Variants in DACH2 observed in about 807,000 individuals in gnomAD.
DACH2 encodes the protein dachshund homolog 2.
Under a neutral mutation model 35.8 loss-of-function variants are expected in DACH2, and 17 were observed. That is an observed-to-expected ratio of 0.48 (90% CI 0.33 to 0.71). The LOEUF is 0.71. Ranked by LOEUF, DACH2 falls within the 30% of genes least tolerant of loss-of-function variation. The probability of loss-of-function intolerance (pLI) is 0.02; values close to 1 mark genes in which losing one functional copy is unlikely to be tolerated. For synonymous variants in DACH2, 195 were observed against 177.3 expected (o/e 1.10, Z -0.79); for missense variants, 469 against 472.7 (o/e 0.99, Z 0.07).
intron 3 of DACH2, among the ~76,000 whole-genome samples, chrX:86,515,121 A>G (rs1156346756): frequency 9.0e-6 from 1 of 111,426 alleles, no homozygotes; most frequent in Non-Finnish European, 1.9e-5. Flanking sequence ...AATGATACGA[A>G]CATTTATAAA....
chrX:86,757,766 C>CTT (rs752349653), intron 7 of DACH2, among the ~76,000 whole-genome samples: 3 of 112,163 alleles, frequency 2.7e-5, no homozygotes, highest in African/African-American at 9.7e-5. Flanking sequence ...GCTGCTTCCT[C>CTT]TTAGCCTTCC....
intron 1 of DACH2, among the ~76,000 whole-genome samples, chrX:86,292,168 C>T (rs1419308016): frequency 4.0e-5 from 3 of 74,328 alleles, no homozygotes; most frequent in African/African-American, 6.0e-5. Flanking sequence ...GTGTATGTGT[C>T]GAGGAATTTA....
rs191661492 is a variant in DACH2, at chrX:86,805,315, G to A, written c.1241-7541G>A. Among the ~76,000 whole-genome samples, 92 of 112,572 alleles carry A rather than the reference G, an allele frequency of 8.2e-4. 1 individual carries two copies. The Admixed American group carries it at 8.4e-3, about 10-fold the overall frequency. The stretch of plus-strand genomic sequence containing the variant: ...GGGTCCCTTTTAGCCATGGCTGAAG[G>A]TGGAGTGCCTGGGATGCAGGGAGCA... On this transcript the variant is annotated intron_variant, in intron 7 of 11. Coordinates refer to ENST00000373125, the MANE Select transcript of DACH2 (RefSeq NM_053281.3).
chrX:86,264,680 C>T (rs761415965), intron 1 of DACH2, among the ~76,000 whole-genome samples: 10 of 111,571 alleles, frequency 9.0e-5, no homozygotes, highest in African/African-American at 2.6e-4. Flanking sequence ...CTGTTACTTA[C>T]TACATGTGTC....
intron 1 of DACH2, among the ~76,000 whole-genome samples, chrX:86,291,271 T>C (rs1191977270): frequency 9.6e-6 from 1 of 104,080 alleles, no homozygotes; most frequent in Non-Finnish European, 2.0e-5. Flanking sequence ...TGTACATTGA[T>C]TTTGTATCCT....
rs183933337 is a variant in DACH2, at chrX:86,697,800, C to A, written c.931+2621C>A. 1.4e-4 allele frequency among the ~76,000 whole-genome samples: 16 copies of A among 110,970 alleles called. No individual in the cohort carries two copies. In the East Asian group the frequency reaches 3.7e-3, roughly 26 times the overall value. On this transcript the variant is annotated intron_variant, in intron 5 of 11. Transcript: ENST00000373125. The stretch of plus-strand genomic sequence containing the variant: ...AGAATCAGTAAGCTTGAAGATGTTT[C>A]AACACATACTTCCCAAGCTGAAAAA...
chrX:86,337,982 A>G (rs1377356385), intron 1 of DACH2, among the ~76,000 whole-genome samples: 1 of 112,173 alleles, frequency 8.9e-6, no homozygotes, highest in Non-Finnish European at 1.9e-5. Context: ...AGGGCATTAC[A>G]TAATGGTTAA....
intron 7 of DACH2, among the ~76,000 whole-genome samples, chrX:86,754,701 G>A (rs1266877279): frequency 9.0e-6 from 1 of 111,214 alleles, no homozygotes; most frequent in African/African-American, 3.3e-5. Context: ...TGCTGGGATA[G>A]TTTCACTAAA....
At chrX:86,413,149 T>A (rs1012922462) in intron 2 of DACH2, among the ~76,000 whole-genome samples, 28 of 112,032 alleles carry the variant, frequency 2.5e-4, no homozygotes, top group Non-Finnish European at 5.1e-4. Context: ...CATGCAAATG[T>A]CTCACCAATA....
intron 2 of DACH2, chrX:86,481,674 G>A (rs1374374403): frequency 2.7e-5 from 3 of 112,008 alleles, no homozygotes; most frequent in South Asian, 3.7e-4. Context: ...TGCTTCATAC[G>A]AGAGTAATTC....
intron 6 of DACH2, among the ~76,000 whole-genome samples, chrX:86,716,410 T>C (rs1377034697): frequency 9.0e-6 from 1 of 111,529 alleles, no homozygotes. Flanking sequence ...AAAGCAAACC[T>C]GGGAGCAGTG....
At chrX:86,743,793 T>G (rs2041682444) in intron 7 of DACH2, among the ~76,000 whole-genome samples, 1 of 111,360 alleles carries the variant, frequency 9.0e-6, no homozygotes, top group African/African-American at 3.3e-5. Context: ...TCAGAATAGT[T>G]GTCAGAAAGA....
At chrX:86,212,486 G>C (rs2147914735) in intron 1 of DACH2, among the ~76,000 whole-genome samples, 1 of 111,037 alleles carries the variant, frequency 9.0e-6, no homozygotes, top group Non-Finnish European at 1.9e-5. Context: ...ATGTGTTCAT[G>C]GTTCATGCAA....
At chrX:86,531,186 T>C (rs1286020290) in intron 3 of DACH2, among the ~76,000 whole-genome samples, 1 of 111,786 alleles carries the variant, frequency 8.9e-6, no homozygotes. Flanking sequence ...ATTTGTAAAA[T>C]TTGCAGCCTG....
At chrX:86,281,133 C>T (rs927860063) in intron 1 of DACH2, among the ~76,000 whole-genome samples, 1 of 111,601 alleles carries the variant, frequency 9.0e-6, no homozygotes, top group Admixed American at 9.6e-5. Context: ...CACCCCAAAT[C>T]AACAGAATAT....
intron 7 of DACH2, among the ~76,000 whole-genome samples, chrX:86,800,533 TAGAC>T (rs2042281940): frequency 8.9e-6 from 1 of 112,185 alleles, no homozygotes; most frequent in African/African-American, 3.2e-5. Context: ...TTCATAGCAA[TAGAC>T]AGCATCTAAA....
intron 1 of DACH2, among the ~76,000 whole-genome samples, chrX:86,230,352 GAT>G (rs762313603): frequency 9.9e-5 from 11 of 110,959 alleles, no homozygotes; most frequent in Non-Finnish European, 2.1e-4. Flanking sequence ...TGTTGTGGTT[GAT>G]ATGTTTTTTG....
At chrX:86,604,325 A>G (rs1246807682) in intron 3 of DACH2, among the ~76,000 whole-genome samples, 1 of 111,090 alleles carries the variant, frequency 9.0e-6, no homozygotes. Flanking sequence ...TTTATATTAT[A>G]CATCTTACTT....
Position 86,209,204 on chromosome X carries a change from T to C in DACH2, c.488+60096T>C, listed in dbSNP as rs2032387426. Among the ~76,000 whole-genome samples, 4 of 111,489 alleles carry C rather than the reference T, an allele frequency of 3.6e-5. No individual in the cohort carries two copies. In the South Asian group the frequency reaches 1.5e-3, roughly 42 times the overall value. On this transcript the variant is annotated intron_variant, in intron 1 of 11. Transcript: ENST00000373125. ...CACTTGTTTATAAAGGCAAAGAAGT[T>C]TGTTTCTTTTGATTAGCCTCATTAG... is the stretch of plus-strand genomic sequence containing the variant.
Sources: gnomAD v4.1 joint callset for allele counts (sites outside exome capture counted in the v4.1 genomes callset) on GRCh38, gnomAD v4.1.1 for gene constraint, MANE v1.5 for transcripts, NCBI Gene and HGNC (gene_info 2026-07-23, HGNC 2026-07-21) for gene names.